Variants in GABRG3 observed in about 807,000 individuals in gnomAD.
GABRG3 encodes the protein gamma-aminobutyric acid receptor subunit gamma-3.
GABRG3 carries 25 observed loss-of-function variants against 48.8 expected under a neutral mutation model. That is an observed-to-expected ratio of 0.51 (90% CI 0.37 to 0.72). The LOEUF (loss-of-function observed/expected upper bound fraction) is 0.72, where lower values mean the gene tolerates loss of function less well. Among genes scored for constraint, GABRG3 ranks in the 30% least tolerant of loss-of-function variants. The probability of loss-of-function intolerance (pLI) is 0.00; values close to 1 mark genes in which losing one functional copy is unlikely to be tolerated. For synonymous variants in GABRG3, 227 were observed against 217.6 expected, an observed-to-expected ratio of 1.04 and a Z score of -0.38; for missense variants, 394 against 577.9, an observed-to-expected ratio of 0.68 and a Z score of 3.26.
chr15:27,290,676 AC>A (rs1370552693), intron 3 of GABRG3, among the ~76,000 whole-genome samples: 1 of 152,194 alleles, frequency 6.6e-6, no homozygotes, highest in Admixed American at 6.5e-5. Flanking sequence ...GTCATCAAGA[AC>A]AAAGAAAATC....
At chr15:27,523,326 A>G (rs1891200726) in intron 7 of GABRG3, among the ~76,000 whole-genome samples, 1 of 151,806 alleles carries the variant, frequency 6.6e-6, no homozygotes, top group Non-Finnish European at 1.5e-5. Flanking sequence ...TACAATGAAT[A>G]GCATCTTTCT....
chr15:27,273,740 C>T (rs1891163155), intron 3 of GABRG3, among the ~76,000 whole-genome samples: 1 of 152,224 alleles, frequency 6.6e-6, no homozygotes, highest in African/African-American at 2.4e-5. Flanking sequence ...GTATAATACA[C>T]ATTTGAATGA....
At chr15:27,293,359 T>TGG (rs1038007222) in intron 3 of GABRG3, among the ~76,000 whole-genome samples, 1 of 152,080 alleles carries the variant, frequency 6.6e-6, no homozygotes, top group African/African-American at 2.4e-5. Context: ...GAGTAAATGC[T>TGG]GGGGGGAATG....
intron 5 of GABRG3, among the ~76,000 whole-genome samples, chr15:27,394,734 T>A (rs1439487785): frequency 6.6e-6 from 1 of 152,216 alleles, no homozygotes; most frequent in Non-Finnish European, 1.5e-5. Flanking sequence ...AAATTCTTGG[T>A]TGACAATCTT....
chr15:27,002,586 G>C (rs1461595280), intron 2 of GABRG3, among the ~76,000 whole-genome samples: 3 of 151,680 alleles, frequency 2.0e-5, no homozygotes, highest in Non-Finnish European at 4.4e-5. Flanking sequence ...TAAAAATGTG[G>C]GATGTGCGGA....
intron 5 of GABRG3, among the ~76,000 whole-genome samples, chr15:27,469,795 A>G (rs1354567326): frequency 6.6e-6 from 1 of 152,214 alleles, no homozygotes; most frequent in Admixed American, 6.5e-5. Context: ...TTCTGTAAAC[A>G]GTAGTTAATT....
At chr15:27,142,497 T>G (rs1898122769) in intron 3 of GABRG3, among the ~76,000 whole-genome samples, 1 of 152,154 alleles carries the variant, frequency 6.6e-6, no homozygotes, top group South Asian at 2.1e-4. Flanking sequence ...GAAAACAGTA[T>G]GGGGAAAACC....
At position 27,006,198 on chromosome 15, in the gene GABRG3, CT is replaced by C. The variant is rs367878443; in HGVS notation, c.203-20549del. On this transcript the variant is annotated intron_variant, in intron 2 of 9. Coordinates refer to ENST00000615808, the MANE Select transcript of GABRG3 (RefSeq NM_033223.5). ...TCCTAGTTTTTTTTTTGTCTTCCAA[CT>C]TTTTTTGTTTGTTTGTTTTTGAGAC... 9.4e-3 allele frequency among the ~76,000 whole-genome samples: 1,421 copies of C among 151,330 alleles called. 25 individuals carry two copies. Among genetic ancestry groups the C allele is most frequent in the African/African-American group, 0.028 (1,173 of 41,204 alleles).
At chr15:27,022,714 G>A (rs947027131) in intron 2 of GABRG3, among the ~76,000 whole-genome samples, 2 of 152,132 alleles carry the variant, frequency 1.3e-5, no homozygotes, top group African/African-American at 4.8e-5. Context: ...GCCCGGCCCT[G>A]CATTCCTTCC....
At chr15:27,220,694 C>T (rs529391859) in intron 3 of GABRG3, among the ~76,000 whole-genome samples, 1 of 152,160 alleles carries the variant, frequency 6.6e-6, no homozygotes, top group Non-Finnish European at 1.5e-5. Flanking sequence ...TGTTTGGAGA[C>T]TGTTGCTTAA....
intron 5 of GABRG3, among the ~76,000 whole-genome samples, chr15:27,437,841 T>G (rs2140629308): frequency 6.6e-6 from 1 of 152,298 alleles, no homozygotes; most frequent in South Asian, 2.1e-4. Flanking sequence ...GAGCTTCCAC[T>G]TATAGCAGAA....
At chr15:27,026,624 A>G (rs1895987563) in intron 2 of GABRG3, 130 bp from the exon 3 acceptor site, 1 of 492,240 alleles carries the variant, frequency 2.0e-6, no homozygotes, top group Admixed American at 3.9e-5. Context: ...GAAGTCCCAA[A>G]GAAAGCCCTG....
At chr15:27,308,480 TA>T (rs1282090492) in intron 3 of GABRG3, among the ~76,000 whole-genome samples, 1 of 147,772 alleles carries the variant, frequency 6.8e-6, no homozygotes, top group Non-Finnish European at 1.5e-5. Context: ...TATAAACATA[TA>T]ATGTAAACAT....
intron 5 of GABRG3, among the ~76,000 whole-genome samples, chr15:27,407,946 C>T (rs1887686410): frequency 6.6e-6 from 1 of 152,160 alleles, no homozygotes; most frequent in African/African-American, 2.4e-5. Context: ...AGAGTGAACC[C>T]TATTGTGAAC....
chr15:27,027,781 G>A (rs761040462), intron 3 of GABRG3, among the ~76,000 whole-genome samples: 13 of 152,268 alleles, frequency 8.5e-5, no homozygotes, highest in Non-Finnish European at 1.3e-4. Context: ...GCTGCAGATG[G>A]CTGTATATTA....
intron 3 of GABRG3, among the ~76,000 whole-genome samples, chr15:27,033,000 C>T (rs947364478): frequency 6.6e-6 from 1 of 151,988 alleles, no homozygotes; most frequent in African/African-American, 2.4e-5. Flanking sequence ...TACAGCCCTT[C>T]TTTTTAAGCC....
intron 3 of GABRG3, among the ~76,000 whole-genome samples, chr15:27,149,668 C>G (rs768006688): frequency 1.3e-5 from 2 of 152,102 alleles, no homozygotes; most frequent in Non-Finnish European, 2.9e-5. Flanking sequence ...ATTGAACATC[C>G]AGAAATAAAC....
chr15:27,470,263 C>T (rs780153740), intron 5 of GABRG3, among the ~76,000 whole-genome samples: 3 of 146,414 alleles, frequency 2.0e-5, no homozygotes, highest in Non-Finnish European at 3.0e-5. Flanking sequence ...TTTCTTGAGG[C>T]GGAGTCTCGC....
chr15:27,199,820 C>T (rs1566962781), intron 3 of GABRG3, among the ~76,000 whole-genome samples: 1 of 152,166 alleles, frequency 6.6e-6, no homozygotes, highest in Non-Finnish European at 1.5e-5. Context: ...GACTAAGAAA[C>T]TTACCCTTTA....
Sources: allele counts gnomAD v4.1 joint callset (sites outside exome capture counted in the v4.1 genomes callset), GRCh38; gene constraint gnomAD v4.1.1; transcripts MANE v1.5; gene names NCBI Gene and HGNC (gene_info 2026-07-23, HGNC 2026-07-21).